CD8A: variants seen among roughly 807,000 people sequenced by gnomAD.
CD8A encodes the protein CD8 subunit alpha, also known as T-cell surface glycoprotein CD8 alpha chain.
Under a neutral mutation model 24.2 loss-of-function variants are expected in CD8A, and 25 were observed. The observed-to-expected ratio is 1.03, with a 90% CI of 0.75 to 1.44. CD8A has a LOEUF of 1.44. Ranked by LOEUF, CD8A falls within the 40% of genes most tolerant of loss-of-function variation. The pLI is 0.00. For synonymous variants in CD8A, 165 were observed against 149.9 expected (o/e 1.10, Z -0.74); for missense variants, 360 against 319.7 (o/e 1.13, Z -0.96).
At chr2:86,797,702 T>G (rs1673527079) in intron 3 of CD8A, among the ~76,000 whole-genome samples, 1 of 152,204 alleles carries the variant, frequency 6.6e-6, no homozygotes, top group Non-Finnish European at 1.5e-5. Flanking sequence ...AAAAAAAGTT[T>G]TGAAAACATT....
At chr2:86,794,209 A>G (rs549586129), upstream of CD8A, among the ~76,000 whole-genome samples, 50 of 152,362 alleles carry the variant, frequency 3.3e-4, 1 homozygote, top group Middle Eastern at 6.8e-3. Context: ...CCTTATTTAA[A>G]AAAATATCCA....
At chr2:86,797,828 C>T (rs1032914996) in intron 3 of CD8A, among the ~76,000 whole-genome samples, 7 of 152,146 alleles carry the variant, frequency 4.6e-5, no homozygotes, top group Non-Finnish European at 7.4e-5. Context: ...TCCCAAGTAC[C>T]ACCCCACCCG....
At chr2:86,793,482 C>T (rs1342449672), upstream of CD8A, among the ~76,000 whole-genome samples, 3 of 152,230 alleles carry the variant, frequency 2.0e-5, no homozygotes, top group African/African-American at 7.2e-5. Flanking sequence ...TGTCCCTCAA[C>T]TCACATGAAT....
upstream of CD8A, among the ~76,000 whole-genome samples, chr2:86,793,583 C>G (rs944771152): frequency 2.0e-5 from 3 of 152,208 alleles, no homozygotes; most frequent in African/African-American, 7.2e-5. Flanking sequence ...CTCAGCACCA[C>G]CAGCACTGTA....
rs1321629527 is a variant in CD8A, at chr2:86,790,601, G to C, written c.130C>G (p.Gln44Glu). ...GACGTCGGGTTGGACAGCAGCACCT[G>C]GCACTTCAGCTCCACTGTCTCGCCC... The part of the protein sequence containing the change: ...NLGETVELKC[Q>E]VLLSNPTSGC... Residue 44 changes from glutamine (Q) to glutamate (E), a missense_variant, in exon 2 of 6, where the codon CAG (glutamine) becomes GAG (glutamate). Transcript: ENST00000283635. The C allele has an allele frequency of 1.2e-6, 2 of 1,610,214 alleles. No individual in the cohort carries two copies. Among genetic ancestry groups the C allele is most frequent in the South Asian group, 2.2e-5 (2 of 91,044 alleles).
chr2:86,790,378 A>G lies in CD8A; in HGVS notation c.353T>C (p.Leu118Pro). 6.2e-7 allele frequency: 1 copy of G among 1,614,032 alleles called. No homozygotes were observed. The highest frequency in any genetic ancestry group is 8.5e-7 in the Non-Finnish European group (1 of 1,179,982). ...ENEGYYFCSA[L>P]SNSIMYFSHF... ...GCTGAAGTACATGATGGAGTTGCTC[A>G]GGGCCGAGCAGAAATAGTAGCCCTC... Residue 118 changes from leucine (L) to proline (P), a missense_variant, in exon 2 of 6, where the codon CTG becomes CCG. Coordinates refer to ENST00000283635, the MANE Select transcript of CD8A (RefSeq NM_001768.7).
chr2:86,794,971 A>T (rs1673433270), upstream of CD8A, among the ~76,000 whole-genome samples: 1 of 151,866 alleles, frequency 6.6e-6, no homozygotes, highest in Non-Finnish European at 1.5e-5. Context: ...CTCCCTTAAG[A>T]CCCAGCTCAA....
chr2:86,805,146 T>C (rs374692920), intron 2 of CD8A, among the ~76,000 whole-genome samples: 2 of 152,072 alleles, frequency 1.3e-5, no homozygotes, highest in Non-Finnish European at 2.9e-5. Flanking sequence ...TAGTCTTTCA[T>C]ACTTTGGGGT....
chr2:86,790,238 G>C (rs1485987432), intron 2 of CD8A, 90 bp downstream of exon 2: 3 of 948,466 alleles, frequency 3.2e-6, no homozygotes, highest in Non-Finnish European at 5.2e-6. Flanking sequence ...GGTGCGCTAA[G>C]AGGCTTGAAA....
chr2:86,789,616 G>C (rs763132839), intron 3 of CD8A, 24 bp downstream of exon 3: 147 of 1,462,298 alleles, frequency 1.0e-4, no homozygotes, highest in Non-Finnish European at 1.3e-4. Context: ...TGCCGCCCCC[G>C]CCCCGGGCCC....
intron 2 of CD8A, among the ~76,000 whole-genome samples, chr2:86,806,263 CG>C (rs926857840): frequency 6.6e-6 from 1 of 152,136 alleles, no homozygotes; most frequent in Middle Eastern, 3.2e-3. Flanking sequence ...AGAGGGAAGG[CG>C]TCTGTTTCCA....
At chr2:86,803,701 G>T (rs1347519218) in intron 2 of CD8A, among the ~76,000 whole-genome samples, 1 of 152,158 alleles carries the variant, frequency 6.6e-6, no homozygotes, top group Non-Finnish European at 1.5e-5. Flanking sequence ...ACAGGCACCT[G>T]CCACCACACC....
chr2:86,794,169 T>G (rs1050334058), upstream of CD8A, among the ~76,000 whole-genome samples: 2 of 152,108 alleles, frequency 1.3e-5, no homozygotes, highest in African/African-American at 4.8e-5. Context: ...CATGAAGAAA[T>G]GTGAATGACT....
intron 5 of CD8A, among the ~76,000 whole-genome samples, chr2:86,786,883 T>G (rs988686057): frequency 1.3e-5 from 2 of 150,984 alleles, no homozygotes; most frequent in East Asian, 2.0e-4. Context: ...AGCCGGGTGT[T>G]GTGGCGGGTG....
chr2:86,789,149 A>G (rs954926511), intron 4 of CD8A, among the ~76,000 whole-genome samples, 174 bp downstream of exon 4: 2 of 152,020 alleles, frequency 1.3e-5, no homozygotes, highest in African/African-American at 4.8e-5. Context: ...AAGGAGCGGG[A>G]AGGGCTTTCT....
In CD8A at chr2:86,797,251, G is replaced by T. The variant is rs541609695; in HGVS notation, c.-271+4260C>A. On this transcript the variant is annotated intron_variant, in intron 3 of 8. Coordinates refer to the CD8A transcript ENST00000409511. Reference sequence around the variant, plus strand: ...GAAGGAGGTGATAAGTTGTGAGAGTGGGTGTCATTGCAAAGGGAGGTGGTG... The same window carrying T: ...GAAGGAGGTGATAAGTTGTGAGAGTTGGTGTCATTGCAAAGGGAGGTGGTG... Among the ~76,000 whole-genome samples, 14 of 152,268 alleles carry T rather than the reference G, an allele frequency of 9.2e-5. No homozygotes were observed. In the East Asian group the frequency reaches 2.3e-3, roughly 25 times the overall value.
chr2:86,784,997 G>A lies in CD8A; in HGVS notation c.*923C>T. On this transcript the variant is annotated 3_prime_UTR_variant, in exon 6 of 6. Coordinates refer to ENST00000283635, the MANE Select transcript of CD8A (RefSeq NM_001768.7). The stretch of plus-strand genomic sequence containing the variant: ...GCTCTCCAACAATTGTCTTTACAAA[G>A]TATAAAAAGTCATCAGTGATCCCAG... 2.2e-6 allele frequency: 1 copy of A among 454,038 alleles called. No individual in the cohort carries two copies. The highest frequency in any genetic ancestry group is 1.6e-5 in the South Asian group (1 of 64,478). 28.1% of individuals were successfully genotyped at this position (454,038 alleles called of 1,614,324 possible).
rs114837321 is a variant in CD8A, at chr2:86,807,193, G to A, written c.-418+254C>T. On this transcript the variant is annotated intron_variant, in intron 2 of 8. Transcript: ENST00000409511. Reference sequence around the variant, plus strand: ...AAAAAAAAAGCCAGCGTGCTGGCGCGGGTCCATGGTCCAAGCTACTTGGGA... The same window carrying A: ...AAAAAAAAAGCCAGCGTGCTGGCGCAGGTCCATGGTCCAAGCTACTTGGGA... Among the ~76,000 whole-genome samples the A allele has an allele frequency of 3.0e-3, 456 of 152,186 alleles. 4 individuals carry two copies. Among genetic ancestry groups the A allele is most frequent in the African/African-American group, 0.011 (438 of 41,538 alleles).
At chr2:86,793,572 G>C (rs1417006039), upstream of CD8A, among the ~76,000 whole-genome samples, 1 of 152,202 alleles carries the variant, frequency 6.6e-6, no homozygotes, top group Non-Finnish European at 1.5e-5. Flanking sequence ...TTGCCATTTT[G>C]CTCAGCACCA....
Sources: gnomAD v4.1 joint callset for allele counts (sites outside exome capture counted in the v4.1 genomes callset) on GRCh38, gnomAD v4.1.1 for gene constraint, MANE v1.5 for transcripts, NCBI Gene and HGNC (gene_info 2026-07-23, HGNC 2026-07-21) for gene names.